TMEM39B: variants seen among roughly 807,000 people sequenced by gnomAD.
TMEM39B encodes transmembrane protein 39B.
In TMEM39B, 23 loss-of-function variants were observed where a neutral mutation model predicts 52.2. The ratio of observed to expected loss-of-function variants is 0.44; its 90% confidence interval spans 0.32 to 0.62. The LOEUF is 0.62. TMEM39B is among the 20% of genes least tolerant of loss of function. TMEM39B has a pLI of 0.06. For missense variants in TMEM39B, 547 were observed against 642.0 expected, an observed-to-expected ratio of 0.85 and a Z score of 1.60; for synonymous variants, 285 against 264.0, an observed-to-expected ratio of 1.08 and a Z score of -0.77.
At position 32,075,842 on chromosome 1, in the gene TMEM39B, G is replaced by T; in HGVS notation, c.351+20G>T. 4 of 1,127,468 alleles carry T rather than the reference G, an allele frequency of 3.5e-6. No individual in the cohort carries two copies. The highest frequency in any genetic ancestry group is 4.8e-6 in the Non-Finnish European group (4 of 832,322). 69.8% of individuals were successfully genotyped at this position (1,127,468 alleles called of 1,614,324 possible). On this transcript the variant is annotated intron_variant, in intron 3 of 8. Coordinates refer to ENST00000336294, the MANE Select transcript of TMEM39B (RefSeq NM_018056.4). ...TCCCTGGTAGGTACCCAACAAGGGT[G>T]TGTGTGTGTGTGTGTGTGTGTGCGT... is the stretch of plus-strand genomic sequence containing the variant.
chr1:32,076,647 G>T (rs751881080), intron 3 of TMEM39B, 116 bp from the exon 4 acceptor site: 3 of 1,063,056 alleles, frequency 2.8e-6, no homozygotes, highest in South Asian at 1.3e-5. Context: ...GCCGATGAAG[G>T]TCAGAGAATG....
rs1296393886 is a variant in TMEM39B at position 32,077,281 on chromosome 1, A to G, written c.553A>G (p.Thr185Ala). Reference protein sequence around the residue: ...LCRSLIHLFRTYSFLNLLFLC... With the variant: ...LCRSLIHLFRAYSFLNLLFLC... ...CCGATCCCTCATCCACCTCTTCAGGACCTACTCCTTCCTGAACCTCCTGTT... is the reference window on the plus strand; with the variant it reads ...CCGATCCCTCATCCACCTCTTCAGGGCCTACTCCTTCCTGAACCTCCTGTT... The change falls in exon 5 of 9, where the codon ACC becomes GCC. Residue 185 changes from threonine to alanine, a missense_variant. By Grantham distance (58) the Thr-to-Ala change is moderately conservative. Transcript: ENST00000336294. The G allele has an allele frequency of 1.2e-6, 2 of 1,613,912 alleles. No homozygotes were observed. Among genetic ancestry groups the G allele is most frequent in the East Asian group, 4.5e-5 (2 of 44,866 alleles).
chr1:32,102,345 C>T, intron 8 of TMEM39B, 86 bp from the exon 9 acceptor site: 2 of 1,546,046 alleles, frequency 1.3e-6, no homozygotes, highest in Non-Finnish European at 1.7e-6. Flanking sequence ...GGAGGCTGTC[C>T]CCTTCACTGG....
At chr1:32,075,845 T>C in intron 3 of TMEM39B, 23 bp downstream of exon 3, 2 of 1,238,690 alleles carry the variant, frequency 1.6e-6, no homozygotes, top group African/African-American at 3.2e-5. Flanking sequence ...CAAGGGTGTG[T>C]GTGTGTGTGT....
At chr1:32,080,051 G>A (rs972256832) in intron 5 of TMEM39B, among the ~76,000 whole-genome samples, 16 of 151,888 alleles carry the variant, frequency 1.1e-4, no homozygotes, top group African/African-American at 3.1e-4. Context: ...CACCATGCTC[G>A]GCAATTTTTT....
intron 2 of TMEM39B, 66 bp from the exon 3 acceptor site, chr1:32,075,537 C>T: frequency 1.4e-6 from 2 of 1,481,290 alleles, no homozygotes; most frequent in South Asian, 1.2e-5. Context: ...CAATCCTTTG[C>T]CTCAGAAGCC....
intron 1 of TMEM39B, 107 bp downstream of exon 1, chr1:32,073,158 G>T (rs890812777): frequency 7.5e-7 from 1 of 1,339,018 alleles, no homozygotes; most frequent in South Asian, 1.7e-5. Context: ...GTGACGGGAG[G>T]GGGAGGGGAT....
At chr1:32,101,572 G>A (rs957995540) in intron 8 of TMEM39B, among the ~76,000 whole-genome samples, 1 of 152,014 alleles carries the variant, frequency 6.6e-6, no homozygotes, top group African/African-American at 2.4e-5. Context: ...CTTGAAACCT[G>A]GGGCTCTAAG....
chr1:32,080,536 T>A (rs913937467), intron 5 of TMEM39B, among the ~76,000 whole-genome samples: 5 of 151,762 alleles, frequency 3.3e-5, no homozygotes, highest in African/African-American at 1.2e-4. Context: ...GCATGGTGGA[T>A]GGCACTTGCA....
At chr1:32,077,361 C>T in intron 5 of TMEM39B, 43 bp downstream of exon 5, 1 of 1,611,072 alleles carries the variant, frequency 6.2e-7, no homozygotes, top group South Asian at 1.1e-5. Flanking sequence ...AGCACCTGGC[C>T]CCTGACCTCT....
intron 8 of TMEM39B, 117 bp downstream of exon 8, chr1:32,100,679 G>A (rs1214879274): frequency 7.2e-7 from 1 of 1,385,540 alleles, no homozygotes; most frequent in Non-Finnish European, 1.0e-6. Context: ...CCAATCCAAA[G>A]GAAGACAGTG....
chr1:32,091,345 G>A (rs985300451), intron 5 of TMEM39B, among the ~76,000 whole-genome samples: 1 of 152,212 alleles, frequency 6.6e-6, no homozygotes, highest in African/African-American at 2.4e-5. Flanking sequence ...ACAGTGCCTG[G>A]AACATAGGCC....
At chr1:32,073,462 C>A in intron 1 of TMEM39B, 2 of 846,718 alleles carry the variant, frequency 2.4e-6, no homozygotes, top group Non-Finnish European at 2.9e-6. Context: ...ACTGAGGGAG[C>A]CCATTCTGGA....
At chr1:32,097,800 G>A (rs549755475) in intron 7 of TMEM39B, among the ~76,000 whole-genome samples, 3 of 151,504 alleles carry the variant, frequency 2.0e-5, no homozygotes, top group East Asian at 2.0e-4. Context: ...GCCCGCCACC[G>A]CACCTGGCTA....
At chr1:32,073,075 G>T (rs1436923185) in intron 1 of TMEM39B, 24 bp downstream of exon 1, 1 of 1,461,708 alleles carries the variant, frequency 6.8e-7, no homozygotes, top group African/African-American at 1.5e-5. Context: ...CTCAGGCTCG[G>T]CCTGGCAACG....
At position 32,075,866 on chromosome 1, in the gene TMEM39B, G is replaced by A. The variant is rs553338196; in HGVS notation, c.351+44G>A. ...TGTGTGTGTGTGTGTGTGTGTGTGC[G>A]TGTGTGTGTATGTGTGTGTGTGTTT... is the stretch of plus-strand genomic sequence containing the variant. On this transcript the variant is annotated intron_variant, in intron 3 of 8. Transcript: ENST00000336294. 55 of 1,267,620 alleles carry A rather than the reference G, an allele frequency of 4.3e-5. 1 individual carries two copies. The highest frequency in any genetic ancestry group is 1.7e-4 in the South Asian group (12 of 68,758). 78.5% of individuals were successfully genotyped at this position (1,267,620 alleles called of 1,614,324 possible).
At chr1:32,090,459 A>T (rs1640557983) in intron 5 of TMEM39B, among the ~76,000 whole-genome samples, 1 of 147,176 alleles carries the variant, frequency 6.8e-6, no homozygotes, top group South Asian at 2.2e-4. Flanking sequence ...TTGTGCGTGT[A>T]TTTTTTTTTT....
intron 5 of TMEM39B, among the ~76,000 whole-genome samples, chr1:32,081,298 G>A (rs1045802026): frequency 6.6e-6 from 1 of 150,460 alleles, no homozygotes. Flanking sequence ...CTGAGTCAGG[G>A]TCTGGCTCTG....
intron 8 of TMEM39B, among the ~76,000 whole-genome samples, chr1:32,100,924 G>A (rs895374265): frequency 6.6e-6 from 1 of 152,056 alleles, no homozygotes. Context: ...CCAGCTACTC[G>A]GGAGGCTGAG....
Sources: gnomAD v4.1 joint callset for allele counts (sites outside exome capture counted in the v4.1 genomes callset) on GRCh38, gnomAD v4.1.1 for gene constraint, MANE v1.5 for transcripts, NCBI Gene and HGNC (gene_info 2026-07-23, HGNC 2026-07-21) for gene names.